Variants in CLVS2 observed in about 807,000 individuals in gnomAD.
CLVS2 encodes clavesin 2, also known as clavesin-2.
In CLVS2, 19 loss-of-function variants were observed where a neutral mutation model predicts 29.0. The observed-to-expected ratio is 0.66, with a 90% confidence interval of 0.46 to 0.96. The LOEUF (loss-of-function observed/expected upper bound fraction) is 0.96, where lower values mean the gene tolerates loss of function less well. CLVS2 is among the 40% of genes least tolerant of loss of function. The pLI is 0.00. For missense variants in CLVS2, 294 were observed against 404.1 expected (o/e 0.73, Z 2.34); for synonymous variants, 161 against 151.3 (o/e 1.06, Z -0.47).
At chr6:123,009,754 A>G (rs941828218) in intron 2 of CLVS2, among the ~76,000 whole-genome samples, 3 of 152,128 alleles carry the variant, frequency 2.0e-5, no homozygotes, top group African/African-American at 7.2e-5. Flanking sequence ...AACATCTTCC[A>G]TAAAATTTCT....
rs896929972 is a variant in CLVS2 at position 123,072,881 on chromosome 6, A to G, written c.*9120A>G. Reference sequence around the variant, plus strand: ...CTATTGTCTTTTTTGATTTCTGAGGATGAATGAAGTACTGTTAAATAAAAT... The same window carrying G: ...CTATTGTCTTTTTTGATTTCTGAGGGTGAATGAAGTACTGTTAAATAAAAT... On this transcript the variant is annotated 3_prime_UTR_variant, in exon 6 of 6. Coordinates refer to ENST00000275162, the MANE Select transcript of CLVS2 (RefSeq NM_001010852.4). 6.6e-6 allele frequency: 1 copy of G among 152,034 alleles called. No homozygotes were observed. The highest frequency in any genetic ancestry group is 1.5e-5 in the Non-Finnish European group (1 of 67,962). 9.4% of individuals were successfully genotyped at this position (152,034 alleles called of 1,614,324 possible). A position where few individuals can be genotyped will look rare whatever the true frequency, so the allele number is the denominator to read the frequency against.
At chr6:123,021,830 G>A (rs1366668854) in intron 3 of CLVS2, among the ~76,000 whole-genome samples, 1 of 152,064 alleles carries the variant, frequency 6.6e-6, no homozygotes, top group East Asian at 1.9e-4. Context: ...TTGCTGGTAT[G>A]GGTGAGGATG....
rs1772825851 is a variant in CLVS2 at position 123,064,562 on chromosome 6, A to G, written c.*801A>G. On this transcript the variant is annotated 3_prime_UTR_variant, in exon 6 of 6. Transcript: ENST00000275162. Reference sequence around the variant, plus strand: ...TTTCCCCTCCAAAACTCTTTGACTAAGAGAATGAGAACTCATGTGAACAGT... The same window carrying G: ...TTTCCCCTCCAAAACTCTTTGACTAGGAGAATGAGAACTCATGTGAACAGT... The G allele has an allele frequency of 6.6e-6, 1 of 151,952 alleles. No homozygotes were observed. The highest frequency in any genetic ancestry group is 6.6e-5 in the Admixed American group (1 of 15,210). 9.4% of individuals were successfully genotyped at this position (151,952 alleles called of 1,614,324 possible).
chr6:123,040,739 G>C lies in CLVS2; in HGVS notation c.565-7883G>C, dbSNP rs558915461. On this transcript the variant is annotated intron_variant, in intron 3 of 5. Coordinates refer to ENST00000275162, the MANE Select transcript of CLVS2 (RefSeq NM_001010852.4). ...GCCGAGATCGCGCCATTGCACTCCAGCCTGGGTAGCAAAGTGAGACTCCGT... is the reference window on the plus strand; with the variant it reads ...GCCGAGATCGCGCCATTGCACTCCACCCTGGGTAGCAAAGTGAGACTCCGT... 4.1e-5 allele frequency among the ~76,000 whole-genome samples: 6 copies of C among 147,370 alleles called. No individual in the cohort carries two copies. In the South Asian group the frequency reaches 1.3e-3, roughly 32 times the overall value.
At chr6:123,014,032 G>A (rs920399000) in intron 3 of CLVS2, among the ~76,000 whole-genome samples, 11 of 152,046 alleles carry the variant, frequency 7.2e-5, no homozygotes, top group Admixed American at 5.3e-4. Context: ...TGGTGTATAC[G>A]TGCCACATTT....
At chr6:123,046,515 C>T (rs1390096588) in intron 3 of CLVS2, among the ~76,000 whole-genome samples, 1 of 151,888 alleles carries the variant, frequency 6.6e-6, no homozygotes, top group African/African-American at 2.4e-5. Context: ...CAAAATTAGC[C>T]GGGCGTGGTG....
intron 3 of CLVS2, among the ~76,000 whole-genome samples, chr6:123,028,704 G>T (rs1396610536): frequency 6.6e-6 from 1 of 152,120 alleles, no homozygotes; most frequent in Non-Finnish European, 1.5e-5. Flanking sequence ...TCAAAGACAG[G>T]CGCCTGTTTC....
At chr6:123,018,144 A>C (rs1394103051) in intron 3 of CLVS2, among the ~76,000 whole-genome samples, 1 of 152,096 alleles carries the variant, frequency 6.6e-6, no homozygotes, top group Admixed American at 6.6e-5. Flanking sequence ...ATAATGAAAA[A>C]CTGAACAAAG....
At chr6:123,020,810 T>G (rs973310943) in intron 3 of CLVS2, among the ~76,000 whole-genome samples, 2 of 152,086 alleles carry the variant, frequency 1.3e-5, no homozygotes, top group Non-Finnish European at 2.9e-5. Context: ...ATACTTCAAA[T>G]AATCAACTTT....
At position 123,068,960 on chromosome 6, in the gene CLVS2, A is replaced by AC. The variant is rs1772900826; in HGVS notation, c.*5199_*5200insC. On this transcript the variant is annotated 3_prime_UTR_variant, in exon 6 of 6. Coordinates refer to ENST00000275162, the MANE Select transcript of CLVS2 (RefSeq NM_001010852.4). ...TGGATCTGCTGCATCTATAAAATGG[A>AC]GATTTCTTTAAAAAATCGTCTAAAA... 1 of 151,708 alleles carries AC rather than the reference A, an allele frequency of 6.6e-6. No individual in the cohort carries two copies. Among genetic ancestry groups the AC allele is most frequent in the African/African-American group, 2.4e-5 (1 of 41,406 alleles). 9.4% of individuals were successfully genotyped at this position (151,708 alleles called of 1,614,324 possible).
chr6:123,038,027 C>G (rs938276813), intron 3 of CLVS2, among the ~76,000 whole-genome samples: 1 of 152,096 alleles, frequency 6.6e-6, no homozygotes, highest in African/African-American at 2.4e-5. Context: ...GCTGTGCTGC[C>G]AAGATTTCCT....
intron 3 of CLVS2, among the ~76,000 whole-genome samples, chr6:123,043,442 C>T (rs1015314533): frequency 5.3e-5 from 8 of 151,958 alleles, no homozygotes; most frequent in African/African-American, 1.4e-4. Context: ...AGGTGCTGGG[C>T]GCTACACCTT....
At chr6:123,031,619 A>T (rs1582654507) in intron 3 of CLVS2, among the ~76,000 whole-genome samples, 1 of 152,198 alleles carries the variant, frequency 6.6e-6, no homozygotes, top group African/African-American at 2.4e-5. Flanking sequence ...CAAAACCCTA[A>T]GTTGTACATC....
chr6:123,054,156 G>A (rs1193986525), intron 4 of CLVS2, among the ~76,000 whole-genome samples: 1 of 152,164 alleles, frequency 6.6e-6, no homozygotes, highest in Non-Finnish European at 1.5e-5. Flanking sequence ...GATTTCTTAT[G>A]TGAATGATCC....
chr6:123,007,699 G>T (rs913886362), intron 2 of CLVS2, among the ~76,000 whole-genome samples: 1 of 152,094 alleles, frequency 6.6e-6, no homozygotes, highest in South Asian at 2.1e-4. Context: ...TTGGTGTCAT[G>T]ATTTCTTCTT....
chr6:123,007,308 A>G (rs1323600021), intron 2 of CLVS2, among the ~76,000 whole-genome samples: 1 of 152,324 alleles, frequency 6.6e-6, no homozygotes, highest in Admixed American at 6.5e-5. Context: ...CATTTTTAAA[A>G]GAGAAAAGGG....
chr6:123,048,367 G>A (rs540666302), intron 3 of CLVS2, among the ~76,000 whole-genome samples: 1 of 151,978 alleles, frequency 6.6e-6, no homozygotes, highest in African/African-American at 2.4e-5. Flanking sequence ...CTTAAACTAC[G>A]ACCCTCTTAA....
rs992724820 is a variant in CLVS2 at position 123,069,874 on chromosome 6, A to G, written c.*6113A>G. 3 of 151,828 alleles carry G rather than the reference A, an allele frequency of 2.0e-5. No homozygotes were observed. Among genetic ancestry groups the G allele is most frequent in the Non-Finnish European group, 2.9e-5 (2 of 67,866 alleles). 9.4% of individuals were successfully genotyped at this position (151,828 alleles called of 1,614,324 possible). A position where few individuals can be genotyped will look rare whatever the true frequency, so the allele number is the denominator to read the frequency against. On this transcript the variant is annotated 3_prime_UTR_variant, in exon 6 of 6. Transcript: ENST00000275162. ...CATCACTTCTTTCTCTAAAAATAAA[A>G]ATAAATATGCTGTTTTCCTCCCTTT...
At chr6:123,045,304 A>T (rs6940619) in intron 3 of CLVS2, among the ~76,000 whole-genome samples, 62,211 of 151,786 alleles carry the variant, frequency 0.41, 16,239 homozygotes, top group East Asian at 0.7. Context: ...GTTTAAGGCC[A>T]CATTGGAAGA....
Sources: gnomAD v4.1 joint callset for allele counts (sites outside exome capture counted in the v4.1 genomes callset) on GRCh38, gnomAD v4.1.1 for gene constraint, MANE v1.5 for transcripts, NCBI Gene and HGNC (gene_info 2026-07-23, HGNC 2026-07-21) for gene names.